Variants in PLS1 observed in about 807,000 individuals in gnomAD.
PLS1 encodes plastin-1.
PLS1 carries 32 observed loss-of-function variants against 73.7 expected under a neutral mutation model. The observed-to-expected ratio is 0.43, with a 90% CI of 0.33 to 0.58. The LOEUF is 0.58. Among genes scored for constraint, PLS1 ranks in the 20% least tolerant of loss-of-function variants. The pLI is 0.04. For missense variants in PLS1, 633 were observed against 740.5 expected (o/e 0.85, Z 1.68); for synonymous variants, 217 against 261.3 (o/e 0.83, Z 1.63).
At chr3:142,631,760 A>C (rs544811265) in intron 1 of PLS1, among the ~76,000 whole-genome samples, 33 of 152,006 alleles carry the variant, frequency 2.2e-4, no homozygotes, top group Non-Finnish European at 4.3e-4. Context: ...TAAAACCTGA[A>C]ACTCTTAGAA....
chr3:142,695,907 G>A (rs1031730768), intron 11 of PLS1, among the ~76,000 whole-genome samples: 1 of 152,042 alleles, frequency 6.6e-6, no homozygotes. Flanking sequence ...TGATTCTCCT[G>A]CCTCAGCCTC....
chr3:142,690,446 T>G (rs970365777), intron 10 of PLS1, among the ~76,000 whole-genome samples: 2 of 152,184 alleles, frequency 1.3e-5, no homozygotes, highest in Non-Finnish European at 2.9e-5. Flanking sequence ...CATGCTGTGT[T>G]ATTTCTCTCT....
At chr3:142,633,657 A>C (rs1227620245) in intron 1 of PLS1, among the ~76,000 whole-genome samples, 1 of 108,542 alleles carries the variant, frequency 9.2e-6, no homozygotes, top group Non-Finnish European at 1.9e-5. Flanking sequence ...ACTCCATCTC[A>C]AACAAACAAA....
chr3:142,612,990 TC>T (rs1457822671), intron 1 of PLS1, among the ~76,000 whole-genome samples: 1 of 152,084 alleles, frequency 6.6e-6, no homozygotes, highest in East Asian at 1.9e-4. Context: ...GGTCTCGAAC[TC>T]CCAACCTCAG....
chr3:142,712,921 A>G lies in PLS1; in HGVS notation c.*914A>G, dbSNP rs1560082619. On this transcript the variant is annotated 3_prime_UTR_variant, in exon 16 of 16. Coordinates refer to ENST00000457734, the MANE Select transcript of PLS1 (RefSeq NM_001145319.2). The stretch of plus-strand genomic sequence containing the variant: ...GCATATAGTTATTTGACCCCTTCCA[A>G]ATACTTGTAGCCAAACATTGGCTAG... 1 of 152,542 alleles carries G rather than the reference A, an allele frequency of 6.6e-6. No individual in the cohort carries two copies. Among genetic ancestry groups the G allele is most frequent in the South Asian group, 2.1e-4 (1 of 4,822 alleles). The allele number at this position is 152,542 out of a possible 1,614,324, so 9.4% of individuals were successfully genotyped here.
rs536245634 is a variant in PLS1 at position 142,698,197 on chromosome 3, A to C, written c.1371+130A>C. On this transcript the variant is annotated intron_variant, in intron 12 of 15. Transcript: ENST00000457734. ...CAGACCAAAATGTGTTAAGCTTAAT[A>C]GCCTTTTTACAAGTTTGCTTTAATA... 45 of 570,366 alleles carry C rather than the reference A, an allele frequency of 7.9e-5. 1 individual carries two copies. The South Asian group carries it at 1.1e-3, about 15-fold the overall frequency. The allele number at this position is 570,366 out of a possible 1,614,324, so 35.3% of individuals were successfully genotyped here. A position where few individuals can be genotyped will look rare whatever the true frequency, so the allele number is the denominator to read the frequency against.
At position 142,646,384 on chromosome 3, in the gene PLS1, G is replaced by A. The variant is rs185394242; in HGVS notation, c.-36-17818G>A. On this transcript the variant is annotated intron_variant, in intron 1 of 15. Coordinates refer to ENST00000457734, the MANE Select transcript of PLS1 (RefSeq NM_001145319.2). ...TCATGTGTTTTTGATTGGATGCAAT[G>A]AGTTCAGGTCAGGAGAAGATTCTTA... Among the ~76,000 whole-genome samples, 75 of 152,326 alleles carry A rather than the reference G, an allele frequency of 4.9e-4. 1 individual carries two copies. Among genetic ancestry groups the A allele is most frequent in the Middle Eastern group, 3.4e-3 (1 of 294 alleles).
In PLS1 at chr3:142,650,211, CTT is replaced by C. The variant is rs1171297517; in HGVS notation, c.-36-13967_-36-13966del. 6.1e-3 allele frequency among the ~76,000 whole-genome samples: 433 copies of C among 70,854 alleles called. 2 individuals are homozygous for C. Among genetic ancestry groups the C allele is most frequent in the African/African-American group, 0.024 (419 of 17,482 alleles). 46.5% of individuals were successfully genotyped at this position (70,854 alleles called of 152,430 possible). ...GCAGTGTTGGTTTTGGCTTCTTCTT[CTT>C]TTTTTTTTTTTTTTTTTTTTTTTGA... On this transcript the variant is annotated intron_variant, in intron 1 of 15. Coordinates refer to ENST00000457734, the MANE Select transcript of PLS1 (RefSeq NM_001145319.2).
At chr3:142,648,800 T>C (rs906127583) in intron 1 of PLS1, among the ~76,000 whole-genome samples, 3 of 152,164 alleles carry the variant, frequency 2.0e-5, no homozygotes, top group African/African-American at 7.2e-5. Context: ...ATCCTTCTTG[T>C]TCCCTTTGTG....
At chr3:142,625,745 G>T (rs866028372) in intron 1 of PLS1, among the ~76,000 whole-genome samples, 2 of 152,176 alleles carry the variant, frequency 1.3e-5, no homozygotes, top group Middle Eastern at 6.8e-3. Context: ...GAGCTGAGGC[G>T]GGTGGATTGC....
Position 142,699,351 on chromosome 3 carries a change from C to T in PLS1, c.1371+1284C>T, listed in dbSNP as rs1339838811. ...GTGGGTGCCTGTAATCCCAGCTACTCGGGAGGCTGAGGCAGGAGAATGGCT... is the reference window on the plus strand; with the variant it reads ...GTGGGTGCCTGTAATCCCAGCTACTTGGGAGGCTGAGGCAGGAGAATGGCT... On this transcript the variant is annotated intron_variant, in intron 12 of 15. Coordinates refer to ENST00000457734, the MANE Select transcript of PLS1 (RefSeq NM_001145319.2). 7.9e-5 allele frequency among the ~76,000 whole-genome samples: 12 copies of T among 151,962 alleles called. 1 individual carries two copies. The highest frequency in any genetic ancestry group is 5.2e-4 in the Admixed American group (8 of 15,268).
chr3:142,639,327 C>T (rs972203547), intron 1 of PLS1, among the ~76,000 whole-genome samples: 4 of 152,114 alleles, frequency 2.6e-5, no homozygotes, highest in Non-Finnish European at 4.4e-5. Context: ...CTGAATTTCC[C>T]CTTAGTCTGT....
At chr3:142,606,737 T>G (rs1280882906) in intron 1 of PLS1, among the ~76,000 whole-genome samples, 1 of 152,146 alleles carries the variant, frequency 6.6e-6, no homozygotes, top group African/African-American at 2.4e-5. Flanking sequence ...CTTAGCACAA[T>G]GATGTCAAGG....
intron 5 of PLS1, among the ~76,000 whole-genome samples, chr3:142,677,816 G>A (rs2107866139): frequency 1.3e-5 from 2 of 152,108 alleles, no homozygotes. Flanking sequence ...TTTGAGATGA[G>A]GTCTCTCTGT....
At chr3:142,630,369 T>A (rs529332239) in intron 1 of PLS1, among the ~76,000 whole-genome samples, 1 of 140,436 alleles carries the variant, frequency 7.1e-6, no homozygotes, top group Admixed American at 7.7e-5. Flanking sequence ...TGTAGTAAGC[T>A]GAGATTGCAC....
At chr3:142,670,650 G>A (rs536767676) in intron 3 of PLS1, among the ~76,000 whole-genome samples, 1 of 152,230 alleles carries the variant, frequency 6.6e-6, no homozygotes, top group South Asian at 2.1e-4. Context: ...AGATGTTCAG[G>A]CAGGAAAATA....
At chr3:142,612,442 A>T (rs574919415) in intron 1 of PLS1, among the ~76,000 whole-genome samples, 2 of 152,360 alleles carry the variant, frequency 1.3e-5, no homozygotes, top group African/African-American at 4.8e-5. Context: ...TGCAAATCAT[A>T]TTCCAAAGGG....
intron 4 of PLS1, among the ~76,000 whole-genome samples, chr3:142,674,540 T>C (rs1023883344): frequency 6.6e-6 from 1 of 152,180 alleles, no homozygotes; most frequent in Non-Finnish European, 1.5e-5. Context: ...GGTTTTTATA[T>C]CTACAGAATA....
chr3:142,671,625 G>T (rs1295743399), intron 4 of PLS1, among the ~76,000 whole-genome samples: 1 of 152,126 alleles, frequency 6.6e-6, no homozygotes, highest in Non-Finnish European at 1.5e-5. Flanking sequence ...TGATTTGCTT[G>T]ATCTGATTAA....
Sources: gnomAD v4.1 joint callset for allele counts (sites outside exome capture counted in the v4.1 genomes callset) on GRCh38, gnomAD v4.1.1 for gene constraint, MANE v1.5 for transcripts, NCBI Gene and HGNC (gene_info 2026-07-23, HGNC 2026-07-21) for gene names.